Variants in LRRC4C observed in about 807,000 individuals in gnomAD.
LRRC4C encodes the protein leucine rich repeat containing 4C.
LRRC4C carries 5 observed loss-of-function variants against 33.6 expected under a neutral mutation model. The ratio of observed to expected loss-of-function variants is 0.15; its 90% confidence interval spans 0.08 to 0.31. The LOEUF is 0.31. LRRC4C is among the 10% of genes least tolerant of loss of function. LRRC4C has a pLI of 1.00. For synonymous variants in LRRC4C, 329 were observed against 302.0 expected (o/e 1.09, Z -0.93); for missense variants, 560 against 796.7 (o/e 0.70, Z 3.58).
At chr11:40,778,893 A>G (rs1565051019) in intron 2 of LRRC4C, among the ~76,000 whole-genome samples, 1 of 152,218 alleles carries the variant, frequency 6.6e-6, no homozygotes, top group South Asian at 2.1e-4. Context: ...GAAGGAAAAA[A>G]GTAGATCCCA....
chr11:40,258,465 A>C (rs1269264478), intron 4 of LRRC4C, among the ~76,000 whole-genome samples: 1 of 152,208 alleles, frequency 6.6e-6, no homozygotes, highest in Admixed American at 6.6e-5. Context: ...ATATGTTAGT[A>C]TCTTTTTGCC....
Position 41,442,468 on chromosome 11 carries a change from T to TTTC in LRRC4C, c.-496+16962_-496+16963insGAA, listed in dbSNP as rs1555172339. On this transcript the variant is annotated intron_variant, in intron 1 of 6. Coordinates refer to ENST00000528697, the MANE Select transcript of LRRC4C (RefSeq NM_001258419.2). ...CTTTGTTGCTTTTTTCTTTTTTTTTTTTTTTTTTTTTTTTTTTTTGAGACA... is the reference window on the plus strand; with the variant it reads ...CTTTGTTGCTTTTTTCTTTTTTTTTTTTCTTTTTTTTTTTTTTTTTTTGAGACA... Among the ~76,000 whole-genome samples, 72 of 106,536 alleles carry TTTC rather than the reference T, an allele frequency of 6.8e-4. 4 individuals carry two copies. The highest frequency in any genetic ancestry group is 8.3e-4 in the African/African-American group (22 of 26,644). The allele number at this position is 106,536 out of a possible 152,430, so 69.9% of individuals were successfully genotyped here. A position where few individuals can be genotyped will look rare whatever the true frequency, so the allele number is the denominator to read the frequency against.
chr11:40,870,564 A>T (rs1247388794), intron 2 of LRRC4C, among the ~76,000 whole-genome samples: 1 of 152,132 alleles, frequency 6.6e-6, no homozygotes, highest in Non-Finnish European at 1.5e-5. Context: ...TAATACTTTT[A>T]TAATTTCTTA....
intron 2 of LRRC4C, among the ~76,000 whole-genome samples, chr11:40,756,468 C>T (rs1377759333): frequency 6.6e-6 from 1 of 151,996 alleles, no homozygotes; most frequent in Non-Finnish European, 1.5e-5. Context: ...TTTAGCTTCC[C>T]ATATCAGGCT....
intron 3 of LRRC4C, among the ~76,000 whole-genome samples, chr11:40,382,614 G>T (rs1948928062): frequency 6.7e-6 from 1 of 149,400 alleles, no homozygotes; most frequent in Non-Finnish European, 1.5e-5. Context: ...GTATAGCATT[G>T]CTTGCTATAG....
intron 1 of LRRC4C, among the ~76,000 whole-genome samples, chr11:41,330,754 T>C (rs60093282): frequency 6.6e-6 from 1 of 151,994 alleles, no homozygotes; most frequent in East Asian, 1.9e-4. Context: ...TATATATGCA[T>C]ACGTTTTATA....
chr11:40,314,487 G>C (rs1945477791), intron 4 of LRRC4C, among the ~76,000 whole-genome samples: 1 of 152,074 alleles, frequency 6.6e-6, no homozygotes, highest in Non-Finnish European at 1.5e-5. Flanking sequence ...AGAAAAGTAT[G>C]AACGTTCCTC....
intron 1 of LRRC4C, among the ~76,000 whole-genome samples, chr11:41,268,451 A>T (rs1949220729): frequency 1.3e-5 from 2 of 152,178 alleles, no homozygotes; most frequent in South Asian, 4.1e-4. Context: ...AGTTATAGGT[A>T]CTAATAAAAT....
At chr11:41,241,592 T>A (rs1948253022) in intron 1 of LRRC4C, among the ~76,000 whole-genome samples, 1 of 152,114 alleles carries the variant, frequency 6.6e-6, no homozygotes, top group South Asian at 2.1e-4. Flanking sequence ...AGTTTGAATA[T>A]CTCTGGGTAG....
intron 2 of LRRC4C, among the ~76,000 whole-genome samples, chr11:40,808,998 T>C (rs1227183523): frequency 6.6e-6 from 1 of 152,154 alleles, no homozygotes; most frequent in East Asian, 1.9e-4. Context: ...GCTTCAGCAG[T>C]TATTCCTCTC....
At chr11:41,239,480 G>A (rs868418594) in intron 1 of LRRC4C, among the ~76,000 whole-genome samples, 6 of 152,030 alleles carry the variant, frequency 3.9e-5, no homozygotes, top group Middle Eastern at 3.4e-3. Flanking sequence ...CAATGGCCTT[G>A]TTGCTATGCT....
Position 41,171,341 on chromosome 11 carries a change from G to A in LRRC4C, c.-495-237618C>T, listed in dbSNP as rs185090223. On this transcript the variant is annotated intron_variant, in intron 1 of 6. Transcript: ENST00000528697. The stretch of plus-strand genomic sequence containing the variant: ...TTGTGGCACTATTCACAATAGCAAA[G>A]ACTTGGAACCAACCCAAATATCCAA... Among the ~76,000 whole-genome samples, 1,333 of 152,240 alleles carry A rather than the reference G, an allele frequency of 8.8e-3. 13 individuals are homozygous for A. The highest frequency in any genetic ancestry group is 0.013 in the Non-Finnish European group (886 of 68,018).
intron 2 of LRRC4C, among the ~76,000 whole-genome samples, chr11:40,923,730 A>C (rs1432760593): frequency 1.1e-4 from 17 of 152,134 alleles, no homozygotes; most frequent in Admixed American, 1.1e-3. Flanking sequence ...ATGCTGTAAT[A>C]GAAAAATCTG....
At chr11:41,340,894 CTG>C (rs1387377536) in intron 1 of LRRC4C, among the ~76,000 whole-genome samples, 4 of 152,182 alleles carry the variant, frequency 2.6e-5, no homozygotes, top group Admixed American at 2.0e-4. Flanking sequence ...CAAGTCGAAA[CTG>C]TGCAATTCAT....
chr11:40,839,412 A>C (rs1310439398), intron 2 of LRRC4C, among the ~76,000 whole-genome samples: 2 of 151,954 alleles, frequency 1.3e-5, no homozygotes, highest in East Asian at 3.9e-4. Context: ...TGCCTGGCTA[A>C]TTTTTGTATT....
chr11:40,647,017 G>A (rs971001008), intron 3 of LRRC4C, among the ~76,000 whole-genome samples: 2 of 152,130 alleles, frequency 1.3e-5, no homozygotes, highest in African/African-American at 4.8e-5. Context: ...TCCATAGCTA[G>A]GTTCTTATGT....
intron 1 of LRRC4C, among the ~76,000 whole-genome samples, chr11:40,937,726 T>G (rs1957969411): frequency 6.6e-6 from 1 of 151,718 alleles, no homozygotes. Flanking sequence ...CACTGCAGCC[T>G]CGAACTCCTG....
At position 40,703,104 on chromosome 11, in the gene LRRC4C, G is replaced by A. The variant is rs530579669; in HGVS notation, c.-406-54826C>T. 1.8e-4 allele frequency among the ~76,000 whole-genome samples: 27 copies of A among 152,108 alleles called. No individual in the cohort carries two copies. The South Asian group carries it at 5.0e-3, about 28-fold the overall frequency. ...AGGGGGCAATTTTATACCTCAGGGG[G>A]CATTAGGCAGTGTCTGGAGATATTT... On this transcript the variant is annotated intron_variant, in intron 2 of 6. Coordinates refer to ENST00000528697, the MANE Select transcript of LRRC4C (RefSeq NM_001258419.2).
At chr11:40,515,650 CTG>C (rs1437755587) in intron 3 of LRRC4C, among the ~76,000 whole-genome samples, 1 of 151,960 alleles carries the variant, frequency 6.6e-6, no homozygotes, top group Non-Finnish European at 1.5e-5. Flanking sequence ...CTGTACTAGA[CTG>C]TAAGACTTAG....
Sources: allele counts gnomAD v4.1 joint callset (sites outside exome capture counted in the v4.1 genomes callset), GRCh38; gene constraint gnomAD v4.1.1; transcripts MANE v1.5; gene names NCBI Gene and HGNC (gene_info 2026-07-23, HGNC 2026-07-21).